MGST1: variants seen among roughly 807,000 people sequenced by gnomAD.
MGST1 encodes microsomal glutathione S-transferase 1.
In MGST1, 5 loss-of-function variants were observed where a neutral mutation model predicts 8.9. The ratio of observed to expected loss-of-function variants is 0.56; its 90% CI spans 0.29 to 1.19. The LOEUF (loss-of-function observed/expected upper bound fraction) is 1.19, where lower values mean the gene tolerates loss of function less well. Among genes scored for constraint, MGST1 ranks in the 50% most tolerant of loss-of-function variants. MGST1 has a pLI of 0.08. For synonymous variants in MGST1, 54 were observed against 67.8 expected (o/e 0.80, Z 1.00); for missense variants, 182 against 187.4 (o/e 0.97, Z 0.17).
At chr12:16,473,126 A>G (rs1941298762) in intron 4 of MGST1, among the ~76,000 whole-genome samples, 2 of 152,204 alleles carry the variant, frequency 1.3e-5, no homozygotes, top group Admixed American at 6.5e-5. Context: ...TCACTTTAGC[A>G]TGAGACAGGT....
At chr12:16,538,949 A>T (rs1941776065) in intron 4 of MGST1, among the ~76,000 whole-genome samples, 1 of 152,178 alleles carries the variant, frequency 6.6e-6, no homozygotes, top group Non-Finnish European at 1.5e-5. Context: ...GAAAACGAGG[A>T]TGATACAAAA....
chr12:16,508,857 G>A (rs1941557957), intron 4 of MGST1, among the ~76,000 whole-genome samples: 1 of 152,146 alleles, frequency 6.6e-6, no homozygotes, highest in Admixed American at 6.6e-5. Context: ...CACTGTTTTA[G>A]CTTACCATCT....
intron 1 of MGST1, among the ~76,000 whole-genome samples, chr12:16,391,259 G>C (rs908509494): frequency 6.6e-6 from 1 of 151,438 alleles, no homozygotes; most frequent in African/African-American, 2.4e-5. Flanking sequence ...CATCATCTAG[G>C]TTTTAAGCCC....
chr12:16,403,782 A>G (rs1266023639), intron 1 of MGST1, among the ~76,000 whole-genome samples: 3 of 152,066 alleles, frequency 2.0e-5, no homozygotes, highest in African/African-American at 7.2e-5. Context: ...GGCAGCAGGA[A>G]GGAGATATTC....
chr12:16,525,035 CA>C (rs1210787846), intron 4 of MGST1, among the ~76,000 whole-genome samples: 4 of 14,624 alleles, frequency 2.7e-4, no homozygotes, highest in African/African-American at 6.7e-4. Flanking sequence ...TCATGGAACC[CA>C]TTTTTTTTTT....
intron 4 of MGST1, among the ~76,000 whole-genome samples, chr12:16,485,824 T>G (rs1169513206): frequency 6.6e-6 from 1 of 152,224 alleles, no homozygotes; most frequent in African/African-American, 2.4e-5. Context: ...CTAAAAATTT[T>G]TGTACTAAGC....
At chr12:16,509,535 G>A (rs1941562611) in intron 4 of MGST1, among the ~76,000 whole-genome samples, 1 of 152,134 alleles carries the variant, frequency 6.6e-6, no homozygotes, top group Admixed American at 6.5e-5. Flanking sequence ...TTTAGGTATT[G>A]TTTGAGATAG....
chr12:16,511,102 A>G (rs1941573740), intron 4 of MGST1, among the ~76,000 whole-genome samples: 1 of 152,268 alleles, frequency 6.6e-6, no homozygotes, highest in Non-Finnish European at 1.5e-5. Context: ...CAAAGTTAAT[A>G]TAATTTTTAA....
chr12:16,358,523 A>T (rs946301983), intron 3 of MGST1, among the ~76,000 whole-genome samples: 18 of 151,456 alleles, frequency 1.2e-4, no homozygotes, highest in African/African-American at 3.9e-4. Context: ...CTGGAGTGCA[A>T]TGGTGTGATC....
chr12:16,498,275 A>G (rs2137164369), intron 4 of MGST1, among the ~76,000 whole-genome samples: 1 of 152,312 alleles, frequency 6.6e-6, no homozygotes, highest in Non-Finnish European at 1.5e-5. Context: ...ACTGTCCTAA[A>G]TGGGACCACT....
chr12:16,386,538 C>A (rs962254455), intron 1 of MGST1, among the ~76,000 whole-genome samples: 23 of 152,256 alleles, frequency 1.5e-4, no homozygotes, highest in African/African-American at 5.5e-4. Context: ...ATACTGAGAC[C>A]GAAGCTTCTA....
At chr12:16,504,851 C>A (rs1255178485) in intron 4 of MGST1, among the ~76,000 whole-genome samples, 1 of 152,112 alleles carries the variant, frequency 6.6e-6, no homozygotes, top group South Asian at 2.1e-4. Context: ...CTCAGACAAC[C>A]CATAAAAATA....
chr12:16,353,925 A>G (rs1218970083), intron 1 of MGST1, among the ~76,000 whole-genome samples: 1 of 151,746 alleles, frequency 6.6e-6, no homozygotes, highest in Non-Finnish European at 1.5e-5. Flanking sequence ...GCGTCTGGCT[A>G]ATTTTTGTAT....
intron 4 of MGST1, among the ~76,000 whole-genome samples, chr12:16,498,778 A>G (rs951129116): frequency 2.6e-5 from 4 of 152,190 alleles, no homozygotes; most frequent in Non-Finnish European, 4.4e-5. Flanking sequence ...TAGCTCATGC[A>G]CCAACTAAGG....
At chr12:16,487,000 C>T (rs1941403171) in intron 4 of MGST1, among the ~76,000 whole-genome samples, 1 of 152,236 alleles carries the variant, frequency 6.6e-6, no homozygotes, top group South Asian at 2.1e-4. Context: ...CAGAGAAGAA[C>T]CTAATCATCC....
intron 4 of MGST1, among the ~76,000 whole-genome samples, chr12:16,488,677 T>C (rs1941416179): frequency 6.6e-6 from 1 of 152,130 alleles, no homozygotes; most frequent in Non-Finnish European, 1.5e-5. Context: ...TATTTTAATG[T>C]ACATATTATT....
chr12:16,372,827 T>C (rs1940316222), intron 3 of MGST1, among the ~76,000 whole-genome samples: 1 of 149,392 alleles, frequency 6.7e-6, no homozygotes, highest in Non-Finnish European at 1.5e-5. Flanking sequence ...GTGTATAATA[T>C]AATATTCCAT....
intron 4 of MGST1, among the ~76,000 whole-genome samples, chr12:16,459,066 T>C (rs761138907): frequency 1.2e-4 from 18 of 152,138 alleles, no homozygotes; most frequent in Non-Finnish European, 2.5e-4. Flanking sequence ...ATTAAAACTT[T>C]ATGATAGACA....
intron 4 of MGST1, among the ~76,000 whole-genome samples, chr12:16,557,428 G>A (rs922558657): frequency 1.3e-5 from 2 of 150,042 alleles, no homozygotes; most frequent in African/African-American, 4.9e-5. Context: ...GAGGGAATGC[G>A]TAGTTTTGTA....
Sources: allele counts gnomAD v4.1 joint callset (sites outside exome capture counted in the v4.1 genomes callset), GRCh38; gene constraint gnomAD v4.1.1; transcripts MANE v1.5; gene names NCBI Gene and HGNC (gene_info 2026-07-23, HGNC 2026-07-21).